Variants in POMP observed in about 807,000 individuals in gnomAD.
POMP encodes proteasome maturation protein.
Under a neutral mutation model 20.6 loss-of-function variants are expected in POMP, and 12 were observed. The observed-to-expected ratio is 0.58, with a 90% CI of 0.37 to 0.94. The LOEUF is 0.94. Ranked by LOEUF, POMP falls within the 40% of genes least tolerant of loss-of-function variation. The pLI, the probability that POMP is intolerant of heterozygous loss-of-function variation, is 0.01. For synonymous variants in POMP, 53 were observed against 55.0 expected, an observed-to-expected ratio of 0.96 and a Z score of 0.16; for missense variants, 136 against 161.1, an observed-to-expected ratio of 0.84 and a Z score of 0.84.
At chr13:28,659,214 T>G (rs1168208910) in intron 1 of POMP, 27 bp downstream of exon 1, 2 of 1,583,222 alleles carry the variant, frequency 1.3e-6, no homozygotes, top group Non-Finnish European at 1.7e-6. Context: ...GCGGCTGGAG[T>G]TCCACGCGGG....
chr13:28,677,040 C>A (rs966592814), intron 5 of POMP, among the ~76,000 whole-genome samples: 4 of 152,172 alleles, frequency 2.6e-5, no homozygotes, highest in African/African-American at 4.8e-5. Flanking sequence ...TGAGTATATT[C>A]TTTGTGCAAA....
chr13:28,661,032 A>T (rs1391144406), intron 1 of POMP, among the ~76,000 whole-genome samples: 1 of 152,228 alleles, frequency 6.6e-6, no homozygotes. Flanking sequence ...CGAATTAAGA[A>T]ATCAGTTAAA....
At chr13:28,675,418 C>T (rs1412753154) in intron 5 of POMP, among the ~76,000 whole-genome samples, 2 of 152,208 alleles carry the variant, frequency 1.3e-5, no homozygotes, top group Admixed American at 6.5e-5. Context: ...GGATTACAGG[C>T]GTGAGCCATC....
chr13:28,659,772 C>T (rs1360098317), intron 1 of POMP: 1 of 153,200 alleles, frequency 6.5e-6, no homozygotes, highest in African/African-American at 2.4e-5. Context: ...TAGTATATCT[C>T]CTCCCTCCTT....
chr13:28,675,751 G>A (rs1439165635), intron 5 of POMP, among the ~76,000 whole-genome samples: 1 of 152,094 alleles, frequency 6.6e-6, no homozygotes, highest in South Asian at 2.1e-4. Flanking sequence ...AGGCTGTACA[G>A]GAAGCATAGT....
In POMP at chr13:28,659,154, GGCAGAGAGGCTGTTC is replaced by G; in HGVS notation, c.-24_-10del. On this transcript the variant is annotated 5_prime_UTR_variant, in exon 1 of 6. Transcript: ENST00000380842. ...CGGCGGGGTCGACTGACGGTAACGG[GGCAGAGAGGCTGTTC>G]GCAGAGCTGCGGAAGATGGTGAGTG... 2 of 1,580,428 alleles carry G rather than the reference GGCAGAGAGGCTGTTC, an allele frequency of 1.3e-6. No individual in the cohort carries two copies. The highest frequency in any genetic ancestry group is 1.7e-6 in the Non-Finnish European group (2 of 1,164,042).
intron 5 of POMP, among the ~76,000 whole-genome samples, chr13:28,677,200 C>CTT (rs10718165): frequency 6.9e-6 from 1 of 144,590 alleles, no homozygotes; most frequent in Non-Finnish European, 1.5e-5. Flanking sequence ...AAAATATTGC[C>CTT]TTTTTTTTTT....
intron 4 of POMP, among the ~76,000 whole-genome samples, chr13:28,669,349 CT>C (rs1284221423): frequency 5.9e-5 from 9 of 151,966 alleles, no homozygotes; most frequent in African/African-American, 2.2e-4. Context: ...TGGCTTCTTC[CT>C]TTTTCCCTTG....
intron 2 of POMP, among the ~76,000 whole-genome samples, chr13:28,663,332 T>C (rs928826287): frequency 4.6e-5 from 7 of 152,222 alleles, no homozygotes; most frequent in African/African-American, 1.4e-4. Context: ...TTTTTTGAGA[T>C]GGCATTTTCC....
intron 2 of POMP, among the ~76,000 whole-genome samples, chr13:28,664,195 A>G (rs1884397193): frequency 6.6e-6 from 1 of 152,252 alleles, no homozygotes; most frequent in Non-Finnish European, 1.5e-5. Flanking sequence ...ACATACATTC[A>G]TTAAATTTCT....
chr13:28,677,696 A>C (rs994682891), intron 5 of POMP, among the ~76,000 whole-genome samples: 2 of 152,234 alleles, frequency 1.3e-5, no homozygotes, highest in Non-Finnish European at 2.9e-5. Flanking sequence ...CTTTGAAAAA[A>C]AAACTTTTGT....
Position 28,678,037 on chromosome 13 carries a change from C to G in POMP, c.361C>G (p.Pro121Ala), listed in dbSNP as rs375494623. ...TGTTTGTTTTTGTTTGCTTTCAGAT[C>G]CATCACAAAGCGAAGTCATGGGAGA... ...TIGFEDILND[P>A]SQSEVMGEPH... Residue 121 changes from proline (P) to alanine (A), a missense_variant and splice_region_variant, in exon 6 of 6, where the codon CCA becomes GCA. Coordinates refer to ENST00000380842, the MANE Select transcript of POMP (RefSeq NM_015932.6). 1 of 1,613,656 alleles carries G rather than the reference C, an allele frequency of 6.2e-7. No homozygotes were observed. Among genetic ancestry groups the G allele is most frequent in the East Asian group, 2.2e-5 (1 of 44,864 alleles).
chr13:28,668,658 T>C (rs1884487673), intron 4 of POMP, 84 bp downstream of exon 4: 1 of 1,062,226 alleles, frequency 9.4e-7, no homozygotes, highest in Admixed American at 1.8e-5. Flanking sequence ...TTATACCTTA[T>C]CTACCTTACA....
chr13:28,660,383 C>T (rs1884311832), intron 1 of POMP, among the ~76,000 whole-genome samples: 1 of 152,156 alleles, frequency 6.6e-6, no homozygotes, highest in Non-Finnish European at 1.5e-5. Flanking sequence ...ATACCCAGTA[C>T]TTTTTAATAA....
intron 5 of POMP, 151 bp from the exon 6 acceptor site, chr13:28,677,884 A>G: frequency 1.3e-6 from 1 of 750,852 alleles, no homozygotes; most frequent in Non-Finnish European, 2.3e-6. Context: ...CTTTTCAGTC[A>G]GTCACCCCAC....
chr13:28,678,932 TGATTA>T lies in POMP; in HGVS notation c.*834_*838del, dbSNP rs1253667854. Reference sequence around the variant, plus strand: ...ATTATCAGTTTCTTAGGAACATCTTTGATTAGATAAATTACTGATTTGAAACATTT... The same window carrying T: ...ATTATCAGTTTCTTAGGAACATCTTTGATAAATTACTGATTTGAAACATTT... On this transcript the variant is annotated 3_prime_UTR_variant, in exon 6 of 6. Transcript: ENST00000380842. 1.3e-5 allele frequency: 2 copies of T among 152,244 alleles called. No individual in the cohort carries two copies. The highest frequency in any genetic ancestry group is 4.8e-5 in the African/African-American group (2 of 41,466). The allele number at this position is 152,244 out of a possible 1,614,324, so 9.4% of individuals were successfully genotyped here.
At chr13:28,660,615 G>A (rs1884320635) in intron 1 of POMP, among the ~76,000 whole-genome samples, 1 of 152,222 alleles carries the variant, frequency 6.6e-6, no homozygotes, top group African/African-American at 2.4e-5. Flanking sequence ...GCTCCTTGGT[G>A]CAGATGAGTA....
Position 28,662,450 on chromosome 13 carries a change from C to T in POMP, c.44C>T (p.Pro15Leu). Residue 15 changes from proline to leucine, a missense_variant, in exon 2 of 6, where the codon CCA becomes CTA. Coordinates refer to ENST00000380842, the MANE Select transcript of POMP (RefSeq NM_015932.6). ...GGATCTGAGCTAAAGGACAGTATTC[C>T]AGTTACTGAACTTTCAGCAAGTGGA... is the stretch of plus-strand genomic sequence containing the variant. ...GLGSELKDSI[P>L]VTELSASGPF... 6.2e-7 allele frequency: 1 copy of T among 1,613,880 alleles called. No individual in the cohort carries two copies. The highest frequency in any genetic ancestry group is 2.2e-5 in the East Asian group (1 of 44,850).
In POMP at chr13:28,662,442, C is replaced by T. The variant is rs1884361082; in HGVS notation, c.36C>T (p.Asp12=). 6.2e-7 allele frequency: 1 copy of T among 1,613,802 alleles called. No homozygotes were observed. Among genetic ancestry groups the T allele is most frequent in the Non-Finnish European group, 8.5e-7 (1 of 1,179,806 alleles). Residue 12 remains aspartate (D), a synonymous_variant, in exon 2 of 6, where the codon GAC becomes GAT. Transcript: ENST00000380842. ...GAGGACTTGGATCTGAGCTAAAGGA[C>T]AGTATTCCAGTTACTGAACTTTCAG... ...NARGLGSELK[D]SIPVTELSAS...
Sources: gnomAD v4.1 joint callset for allele counts (sites outside exome capture counted in the v4.1 genomes callset) on GRCh38, gnomAD v4.1.1 for gene constraint, MANE v1.5 for transcripts, NCBI Gene and HGNC (gene_info 2026-07-23, HGNC 2026-07-21) for gene names.